DIP2C: variants seen among roughly 807,000 people sequenced by gnomAD.
The protein encoded by DIP2C is DIP2 acetate--CoA ligase C (putative).
In DIP2C, 33 loss-of-function variants were observed where a neutral mutation model predicts 192.4. That is an observed-to-expected ratio of 0.17 (90% confidence interval 0.13 to 0.23). DIP2C has a LOEUF of 0.23. DIP2C is among the 10% of genes least tolerant of loss of function. The probability of loss-of-function intolerance (pLI) is 1.00; values close to 1 mark genes in which losing one functional copy is unlikely to be tolerated. For missense variants in DIP2C, 1,537 were observed against 2,110.1 expected, an observed-to-expected ratio of 0.73 and a Z score of 5.32; for synonymous variants, 979 against 864.1, an observed-to-expected ratio of 1.13 and a Z score of -2.33.
At chr10:583,542 G>A (rs899185233) in intron 1 of DIP2C, among the ~76,000 whole-genome samples, 1 of 152,190 alleles carries the variant, frequency 6.6e-6, no homozygotes, top group Non-Finnish European at 1.5e-5. Flanking sequence ...GCGGCTCAGA[G>A]GCTGAAAGCA....
chr10:558,895 C>T (rs1404580332), intron 1 of DIP2C, among the ~76,000 whole-genome samples: 2 of 152,144 alleles, frequency 1.3e-5, no homozygotes, highest in Admixed American at 6.5e-5. Flanking sequence ...TTGGAGAACA[C>T]AGCAGGACCC....
chr10:384,551 T>C lies in DIP2C; in HGVS notation c.1751A>G (p.Tyr584Cys). 6.2e-7 allele frequency: 1 copy of C among 1,613,846 alleles called. No individual in the cohort carries two copies. Among genetic ancestry groups the C allele is most frequent in the Non-Finnish European group, 8.5e-7 (1 of 1,180,004 alleles). Residue 584 changes from tyrosine (Y) to cysteine (C), a missense_variant, in exon 15 of 37, where the codon TAC becomes TGC. Physicochemically the swap from Tyr to Cys is radical, Grantham distance 194. Transcript: ENST00000280886. The stretch of plus-strand genomic sequence containing the variant: ...CTGCGCCCGGCGAGACCCACCTTTG[T>C]ACTGGCAGACCTTCTGGATCCAGGA... ...PLSWIQKVCQ[Y>C]KAKVACVKSR...
intron 1 of DIP2C, chr10:667,925 C>G (rs564857786): frequency 6.6e-6 from 1 of 151,970 alleles, no homozygotes; most frequent in East Asian, 1.9e-4. Flanking sequence ...ATGCAACTCA[C>G]ATTCAACACG....
At position 344,879 on chromosome 10, in the gene DIP2C, G is replaced by C; in HGVS notation, c.3383C>G (p.Pro1128Arg). ...PKKRPAQICK[P>R]CNPDTLAYLD... ...ATATGCAAGAGTGTCTGGGTTGCAA[G>C]GTTTGCAGATCTGGGCAGGCCGCTT... Residue 1128 changes from proline (P) to arginine (R), a missense_variant, in exon 28 of 37, where the codon CCT (proline) becomes CGT (arginine). Pro to Arg is a moderately radical substitution (Grantham distance 103, BLOSUM62 -2). Transcript: ENST00000280886. 1.9e-6 allele frequency: 3 copies of C among 1,607,930 alleles called. No individual in the cohort carries two copies. The highest frequency in any genetic ancestry group is 2.5e-6 in the Non-Finnish European group (3 of 1,178,276).
At chr10:607,305 C>G (rs1363673180) in intron 1 of DIP2C, among the ~76,000 whole-genome samples, 1 of 151,944 alleles carries the variant, frequency 6.6e-6, no homozygotes, top group Non-Finnish European at 1.5e-5. Flanking sequence ...GGACCTCTGC[C>G]CTCGAGAGCA....
At chr10:616,392 C>T (rs139879960) in intron 1 of DIP2C, among the ~76,000 whole-genome samples, 66 of 152,302 alleles carry the variant, frequency 4.3e-4, no homozygotes, top group African/African-American at 1.4e-3. Flanking sequence ...TTCAGTCAGA[C>T]GCAAATTAAT....
chr10:446,406 C>T (rs920165852), intron 3 of DIP2C, among the ~76,000 whole-genome samples: 22 of 151,902 alleles, frequency 1.4e-4, no homozygotes, highest in African/African-American at 5.3e-4. Context: ...GTCCCATGGT[C>T]CACTGGGCAT....
rs766848763 is a variant in DIP2C, at chr10:283,262, G to A, written c.4294+10C>T. ...TCTGTTGGGGGGGGGCCGCCAGCCT[G>A]GACTCTCACCTCCATTTGCATCTGT... On this transcript the variant is annotated intron_variant, in intron 35 of 36. Transcript: ENST00000280886. The A allele has an allele frequency of 2.5e-6, 4 of 1,613,130 alleles. No homozygotes were observed. The highest frequency in any genetic ancestry group is 3.4e-6 in the Non-Finnish European group (4 of 1,179,476).
At chr10:501,341 C>CA (rs367817196) in intron 1 of DIP2C, among the ~76,000 whole-genome samples, 128 of 152,140 alleles carry the variant, frequency 8.4e-4, no homozygotes, top group African/African-American at 2.6e-3. Flanking sequence ...ATTTAGAAGG[C>CA]AAATAAAGTA....
At chr10:373,043 C>T (rs1411439665) in intron 17 of DIP2C, among the ~76,000 whole-genome samples, 1 of 152,208 alleles carries the variant, frequency 6.6e-6, no homozygotes, top group East Asian at 1.9e-4. Context: ...TCCTCACTTT[C>T]AGATGAGAAG....
intron 1 of DIP2C, among the ~76,000 whole-genome samples, chr10:571,825 C>A (rs1297032428): frequency 1.3e-5 from 2 of 152,194 alleles, no homozygotes; most frequent in East Asian, 3.9e-4. Flanking sequence ...AGAGGCCCTG[C>A]AAAGCTTCCC....
At chr10:309,708 G>A (rs1192215160) in intron 32 of DIP2C, among the ~76,000 whole-genome samples, 5 of 152,004 alleles carry the variant, frequency 3.3e-5, no homozygotes, top group South Asian at 2.1e-4. Flanking sequence ...ACAAGTGCCC[G>A]CCACCAAACC....
At chr10:590,990 G>A (rs1403060734) in intron 1 of DIP2C, among the ~76,000 whole-genome samples, 1 of 152,172 alleles carries the variant, frequency 6.6e-6, no homozygotes, top group Non-Finnish European at 1.5e-5. Flanking sequence ...AAGCTGGGTG[G>A]CACATTGGTT....
intron 1 of DIP2C, among the ~76,000 whole-genome samples, chr10:513,764 G>C (rs1356478637): frequency 6.6e-6 from 1 of 152,210 alleles, no homozygotes; most frequent in Non-Finnish European, 1.5e-5. Context: ...ATTGTAACTG[G>C]TAGAATCATG....
intron 1 of DIP2C, among the ~76,000 whole-genome samples, chr10:674,705 G>T (rs1381794704): frequency 2.0e-5 from 3 of 149,804 alleles, no homozygotes; most frequent in Non-Finnish European, 4.4e-5. Flanking sequence ...GGAGGTGGAG[G>T]TTGCAATGAG....
At chr10:342,433 C>T (rs551452645) in intron 28 of DIP2C, among the ~76,000 whole-genome samples, 2 of 152,326 alleles carry the variant, frequency 1.3e-5, no homozygotes, top group South Asian at 4.1e-4. Context: ...GCTGGGATTA[C>T]AGGCACGAGA....
chr10:650,881 G>C (rs1420944989), intron 1 of DIP2C: 1 of 717,486 alleles, frequency 1.4e-6, no homozygotes, highest in Admixed American at 2.0e-5. Flanking sequence ...AACTCCCCCT[G>C]GGATTCGTGG....
chr10:317,861 G>C (rs576786958), intron 31 of DIP2C, among the ~76,000 whole-genome samples: 1 of 152,208 alleles, frequency 6.6e-6, no homozygotes, highest in Non-Finnish European at 1.5e-5. Context: ...GAATTCGAAT[G>C]TTCCTCTTCT....
rs1966010573 is a variant in DIP2C, at chr10:419,254, G to T, written c.605-55C>A. 4.3e-6 allele frequency: 7 copies of T among 1,611,128 alleles called. 1 individual carries two copies. Among genetic ancestry groups the T allele is most frequent in the Non-Finnish European group, 5.9e-6 (7 of 1,178,826 alleles). Reference sequence around the variant, plus strand: ...GGTGGTTGTGATGTTTGCTCTGAAGGTGGAACAAGCCACAGCCCAGGAAGA... The same window carrying T: ...GGTGGTTGTGATGTTTGCTCTGAAGTTGGAACAAGCCACAGCCCAGGAAGA... On this transcript the variant is annotated intron_variant, in intron 5 of 36. Transcript: ENST00000280886.
Sources: allele counts gnomAD v4.1 joint callset (sites outside exome capture counted in the v4.1 genomes callset), GRCh38; gene constraint gnomAD v4.1.1; transcripts MANE v1.5; gene names NCBI Gene and HGNC (gene_info 2026-07-23, HGNC 2026-07-21).